GLT1D1: variants seen among roughly 807,000 people sequenced by gnomAD.
The protein encoded by GLT1D1 is glycosyltransferase 1 domain containing 1, also known as glycosyltransferase 1 domain-containing protein 1.
In GLT1D1, 21 loss-of-function variants were observed where a neutral mutation model predicts 28.7. The ratio of observed to expected loss-of-function variants is 0.73; its 90% CI spans 0.52 to 1.05. GLT1D1 has a LOEUF of 1.05. Ranked by LOEUF, GLT1D1 falls within the 50% of genes least tolerant of loss-of-function variation. GLT1D1 has a pLI of 0.00. For missense variants in GLT1D1, 343 were observed against 330.6 expected (o/e 1.04, Z -0.29); for synonymous variants, 147 against 124.8 (o/e 1.18, Z -1.19).
intron 4 of GLT1D1, among the ~76,000 whole-genome samples, chr12:128,925,122 T>G (rs545950333): frequency 6.6e-5 from 10 of 152,332 alleles, no homozygotes; most frequent in Admixed American, 5.9e-4. Context: ...TGTGATGGTT[T>G]GGTATCTGTA....
At chr12:128,948,545 G>A (rs934809512) in intron 6 of GLT1D1, among the ~76,000 whole-genome samples, 2 of 152,132 alleles carry the variant, frequency 1.3e-5, no homozygotes, top group Admixed American at 6.5e-5. Context: ...TTTTCCTGTC[G>A]AAAGGAAACA....
In GLT1D1 at chr12:128,888,752, C is replaced by T. The variant is rs190820628; in HGVS notation, c.323+8C>T. On this transcript the variant is annotated splice_region_variant and intron_variant, in intron 3 of 7. Coordinates refer to ENST00000281703, the MANE Select transcript of GLT1D1 (RefSeq NM_144669.3). Reference sequence around the variant, plus strand: ...AGTTCTTGAGGAAGCCAGGTAATACCTGCGAGAATTTCATCCATGCCAAAC... The same window carrying T: ...AGTTCTTGAGGAAGCCAGGTAATACTTGCGAGAATTTCATCCATGCCAAAC... 6.5e-6 allele frequency: 10 copies of T among 1,546,424 alleles called. No homozygotes were observed. The African/African-American group carries it at 1.4e-4, about 21-fold the overall frequency.
intron 4 of GLT1D1, among the ~76,000 whole-genome samples, chr12:128,921,697 A>G (rs1327232140): frequency 6.6e-6 from 1 of 152,064 alleles, no homozygotes. Context: ...AGCCTGTGTG[A>G]CCAAAATGCC....
chr12:128,963,492 A>G (rs1878163789), intron 7 of GLT1D1, among the ~76,000 whole-genome samples: 1 of 152,092 alleles, frequency 6.6e-6, no homozygotes, highest in South Asian at 2.1e-4. Context: ...ACTAAAATAC[A>G]AAAATTAGCC....
chr12:128,981,831 CT>C (rs1565931417), intron 7 of GLT1D1, among the ~76,000 whole-genome samples: 3 of 152,232 alleles, frequency 2.0e-5, no homozygotes, highest in African/African-American at 7.2e-5. Flanking sequence ...GTGATTACCC[CT>C]GATTGACAGT....
At position 128,970,796 on chromosome 12, in the gene GLT1D1, C is replaced by G. The variant is rs1024449834; in HGVS notation, c.640-12133C>G. Reference sequence around the variant, plus strand: ...ATTTGGGTTTCCTCTGTCCCCGCACCTGTGTCTGTGTACACTGCACTCTTT... The same window carrying G: ...ATTTGGGTTTCCTCTGTCCCCGCACGTGTGTCTGTGTACACTGCACTCTTT... On this transcript the variant is annotated intron_variant, in intron 7 of 7. Coordinates refer to ENST00000281703, the MANE Select transcript of GLT1D1 (RefSeq NM_144669.3). Among the ~76,000 whole-genome samples, 11 of 152,368 alleles carry G rather than the reference C, an allele frequency of 7.2e-5. No homozygotes were observed. The South Asian group carries it at 8.3e-4, about 11-fold the overall frequency.
In GLT1D1 at chr12:128,916,717, T is replaced by G. The variant is rs540445043; in HGVS notation, c.375+17430T>G. On this transcript the variant is annotated intron_variant, in intron 4 of 7. Coordinates refer to ENST00000281703, the MANE Select transcript of GLT1D1 (RefSeq NM_144669.3). ...TCTTCTAATTATTGGTTTGTAGAAC[T>G]TCCTTATATTCTAGGTACAAGCCTT... Among the ~76,000 whole-genome samples the G allele has an allele frequency of 7.9e-5, 12 of 152,354 alleles. No homozygotes were observed. The East Asian group carries it at 2.1e-3, about 27-fold the overall frequency.
At chr12:128,871,791 A>G (rs957806276) in intron 1 of GLT1D1, among the ~76,000 whole-genome samples, 2 of 152,286 alleles carry the variant, frequency 1.3e-5, no homozygotes, top group African/African-American at 4.8e-5. Flanking sequence ...AATGCACACC[A>G]GTTAATTCAC....
chr12:128,901,208 C>T (rs752709812), intron 4 of GLT1D1, among the ~76,000 whole-genome samples: 1 of 152,206 alleles, frequency 6.6e-6, no homozygotes, highest in Non-Finnish European at 1.5e-5. Context: ...CCCACTTAAG[C>T]CAGTTTCACT....
chr12:128,892,848 T>C (rs1322760253), intron 3 of GLT1D1, among the ~76,000 whole-genome samples: 1 of 152,188 alleles, frequency 6.6e-6, no homozygotes, highest in Non-Finnish European at 1.5e-5. Context: ...TATTATAATG[T>C]AATAAGTACT....
At chr12:128,932,535 T>G (rs1245232444) in intron 4 of GLT1D1, among the ~76,000 whole-genome samples, 3 of 152,178 alleles carry the variant, frequency 2.0e-5, no homozygotes, top group Non-Finnish European at 2.9e-5. Flanking sequence ...AGCACCTCTT[T>G]CACGAGGCAC....
At chr12:128,897,924 C>A (rs544320876) in intron 3 of GLT1D1, among the ~76,000 whole-genome samples, 74 of 152,324 alleles carry the variant, frequency 4.9e-4, no homozygotes, top group South Asian at 3.3e-3. Flanking sequence ...GCCTTGGACT[C>A]CCAAAGTGCT....
chr12:128,892,717 T>G (rs1050579867), intron 3 of GLT1D1, among the ~76,000 whole-genome samples: 2 of 152,262 alleles, frequency 1.3e-5, no homozygotes, highest in East Asian at 1.9e-4. Flanking sequence ...TAATCAAATG[T>G]TTTTAAATAG....
At chr12:128,980,553 G>A (rs1483429432) in intron 7 of GLT1D1, among the ~76,000 whole-genome samples, 4 of 152,210 alleles carry the variant, frequency 2.6e-5, no homozygotes, top group Non-Finnish European at 5.9e-5. Context: ...TGGGGCCACT[G>A]GTCCAGCAAG....
intron 5 of GLT1D1, 37 bp downstream of exon 9, chr12:128,945,406 GGAAGCCT>G (rs754303978): frequency 3.9e-5 from 61 of 1,570,850 alleles, no homozygotes; most frequent in Non-Finnish European, 5.0e-5. Context: ...TTGCAGAACG[GGAAGCCT>G]GAGTGGCCCC....
intron 3 of GLT1D1, among the ~76,000 whole-genome samples, chr12:128,895,714 C>T (rs1869555407): frequency 1.3e-5 from 2 of 152,080 alleles, no homozygotes. Flanking sequence ...CCCCCTCGGC[C>T]TCCCAAAGTG....
At chr12:128,921,278 C>T (rs1245712459) in intron 4 of GLT1D1, among the ~76,000 whole-genome samples, 1 of 151,726 alleles carries the variant, frequency 6.6e-6, no homozygotes, top group African/African-American at 2.4e-5. Flanking sequence ...ATTCCCATTA[C>T]ACTTAATCTC....
chr12:128,939,165 G>T (rs937211736), intron 4 of GLT1D1, among the ~76,000 whole-genome samples: 10 of 152,116 alleles, frequency 6.6e-5, no homozygotes, highest in African/African-American at 1.4e-4. Flanking sequence ...GAATCCAGGG[G>T]TTCCTTTCAG....
intron 7 of GLT1D1, among the ~76,000 whole-genome samples, chr12:128,980,053 C>G (rs1160949220): frequency 6.6e-6 from 1 of 152,244 alleles, no homozygotes; most frequent in Non-Finnish European, 1.5e-5. Context: ...TAAGTCGGGA[C>G]TGTTTGTGGT....
Sources: gnomAD v4.1 joint callset for allele counts (sites outside exome capture counted in the v4.1 genomes callset) on GRCh38, gnomAD v4.1.1 for gene constraint, MANE v1.5 for transcripts, NCBI Gene and HGNC (gene_info 2026-07-23, HGNC 2026-07-21) for gene names.